CHRM3: variants seen among roughly 807,000 people sequenced by gnomAD.
CHRM3 encodes cholinergic receptor muscarinic 3, also known as muscarinic acetylcholine receptor M3.
Under a neutral mutation model 41.8 loss-of-function variants are expected in CHRM3, and 11 were observed. That is an observed-to-expected ratio of 0.26 (90% confidence interval 0.17 to 0.44). The LOEUF (loss-of-function observed/expected upper bound fraction) is 0.44. Among genes scored for constraint, CHRM3 ranks in the 20% least tolerant of loss-of-function variants. The probability of loss-of-function intolerance (pLI) is 1.00; values close to 1 mark genes in which losing one functional copy is unlikely to be tolerated. For missense variants in CHRM3, 571 were observed against 745.4 expected, an observed-to-expected ratio of 0.77 and a Z score of 2.72; for synonymous variants, 297 against 301.4, an observed-to-expected ratio of 0.99 and a Z score of 0.15.
chr1:239,603,489 G>A (rs1034039812), intron 3 of CHRM3, among the ~76,000 whole-genome samples: 6 of 152,142 alleles, frequency 3.9e-5, no homozygotes, highest in Non-Finnish European at 8.8e-5. Flanking sequence ...TCTCACCTGG[G>A]GATGGTGTTC....
chr1:239,578,909 A>G (rs1300420436), intron 3 of CHRM3, among the ~76,000 whole-genome samples: 2 of 152,190 alleles, frequency 1.3e-5, no homozygotes, highest in Non-Finnish European at 2.9e-5. Context: ...CATCTGCACC[A>G]TTGCCCAAGT....
intron 5 of CHRM3, among the ~76,000 whole-genome samples, chr1:239,788,053 A>G (rs961885387): frequency 2.0e-5 from 3 of 152,092 alleles, no homozygotes; most frequent in Non-Finnish European, 4.4e-5. Flanking sequence ...TGGGCAACAT[A>G]AAGAGATTCC....
chr1:239,824,377 T>C (rs1672290060), intron 5 of CHRM3, among the ~76,000 whole-genome samples: 1 of 152,220 alleles, frequency 6.6e-6, no homozygotes, highest in Non-Finnish European at 1.5e-5. Context: ...TTTCCCTTGC[T>C]TAATGTATAA....
intron 6 of CHRM3, among the ~76,000 whole-genome samples, chr1:239,828,734 A>C (rs1395806461): frequency 1.3e-5 from 2 of 152,116 alleles, no homozygotes; most frequent in African/African-American, 4.8e-5. Context: ...CTAGAATATC[A>C]ATGCAGATTT....
chr1:239,404,115 C>T (rs556501277), intron 1 of CHRM3, among the ~76,000 whole-genome samples: 2 of 149,914 alleles, frequency 1.3e-5, no homozygotes, highest in East Asian at 4.0e-4. Flanking sequence ...AGTGAAACCC[C>T]GTCTCTACCA....
At chr1:239,462,313 T>A (rs74149076) in intron 1 of CHRM3, among the ~76,000 whole-genome samples, 11 of 152,240 alleles carry the variant, frequency 7.2e-5, no homozygotes, top group African/African-American at 2.7e-4. Context: ...TGTCCCTGGG[T>A]TATACCAGGT....
At chr1:239,633,529 A>G (rs1670104498) in intron 4 of CHRM3, among the ~76,000 whole-genome samples, 1 of 152,134 alleles carries the variant, frequency 6.6e-6, no homozygotes, top group Non-Finnish European at 1.5e-5. Context: ...TTGCTGTTGT[A>G]AGGACAGCAA....
intron 3 of CHRM3, among the ~76,000 whole-genome samples, chr1:239,593,448 T>G (rs1176571273): frequency 6.6e-6 from 1 of 150,928 alleles, no homozygotes; most frequent in African/African-American, 2.4e-5. Flanking sequence ...TTGGATTCAC[T>G]TGATTTATTT....
intron 5 of CHRM3, among the ~76,000 whole-genome samples, chr1:239,684,410 T>C (rs560072381): frequency 3.3e-5 from 5 of 152,130 alleles, no homozygotes; most frequent in Admixed American, 2.0e-4. Context: ...GGAAGGTGTA[T>C]GGGCTGGGCA....
chr1:239,832,205 C>A (rs893147453), intron 6 of CHRM3, among the ~76,000 whole-genome samples: 1 of 152,098 alleles, frequency 6.6e-6, no homozygotes, highest in Admixed American at 6.5e-5. Flanking sequence ...CATGCTTTTT[C>A]ATGGGTTCGT....
intron 5 of CHRM3, among the ~76,000 whole-genome samples, chr1:239,747,727 T>C (rs747252876): frequency 4.6e-5 from 7 of 152,192 alleles, no homozygotes; most frequent in Non-Finnish European, 8.8e-5. Context: ...ATGCTTATAA[T>C]CTATTAGAAA....
At chr1:239,824,182 G>T (rs888415894) in intron 5 of CHRM3, among the ~76,000 whole-genome samples, 2 of 152,030 alleles carry the variant, frequency 1.3e-5, no homozygotes, top group African/African-American at 2.4e-5. Context: ...ATAACCACTT[G>T]TTTTATATCT....
rs1319046479 is a variant in CHRM3 at position 239,404,458 on chromosome 1, G to GAAAA, written c.-521+17234_-521+17235insAAAA. ...AGAAAGAAAGAAAGAAAGAAAGAAA[G>GAAAA]AAAGAAAGAAAAAGAAAGAAAGAAA... On this transcript the variant is annotated intron_variant, in intron 1 of 6. Coordinates refer to ENST00000676153, the MANE Select transcript of CHRM3 (RefSeq NM_001375978.1). Among the ~76,000 whole-genome samples, 5 of 138,908 alleles carry GAAAA rather than the reference G, an allele frequency of 3.6e-5. No homozygotes were observed. The Admixed American group carries it at 3.6e-4, about 10-fold the overall frequency. The allele number at this position is 138,908 out of a possible 152,430, so 91.1% of individuals were successfully genotyped here.
At chr1:239,645,771 C>T (rs1363662654) in intron 4 of CHRM3, among the ~76,000 whole-genome samples, 5 of 152,102 alleles carry the variant, frequency 3.3e-5, no homozygotes, top group South Asian at 2.1e-4. Context: ...AACAAAAGAA[C>T]GGCCATAGAG....
chr1:239,449,006 C>A (rs1379016378), intron 1 of CHRM3, among the ~76,000 whole-genome samples: 1 of 152,060 alleles, frequency 6.6e-6, no homozygotes, highest in African/African-American at 2.4e-5. Context: ...AGAATGAATA[C>A]CTAGCCTCTA....
chr1:239,580,549 T>C (rs1040534210), intron 3 of CHRM3, among the ~76,000 whole-genome samples: 3 of 151,706 alleles, frequency 2.0e-5, no homozygotes, highest in African/African-American at 7.3e-5. Context: ...AGTGATTGAT[T>C]TGTGGTCCTC....
intron 6 of CHRM3, among the ~76,000 whole-genome samples, chr1:239,852,835 T>G (rs1490634258): frequency 6.6e-6 from 1 of 152,146 alleles, no homozygotes; most frequent in Non-Finnish European, 1.5e-5. Flanking sequence ...CTTAATAGTA[T>G]TATTATGGGA....
chr1:239,704,748 T>A (rs1393399633), intron 5 of CHRM3: 1 of 152,176 alleles, frequency 6.6e-6, no homozygotes, highest in Non-Finnish European at 1.5e-5. Flanking sequence ...TATATTAATA[T>A]TTATAATAAA....
rs552121217 is a variant in CHRM3, at chr1:239,791,750, G to GAC, written c.-146-35499_-146-35498dup. ...ATATTTCATTAGGCACATAGGCACA[G>GAC]ACACTGAGATGGGTAAGAAAGGAGG... is the stretch of plus-strand genomic sequence containing the variant. On this transcript the variant is annotated intron_variant, in intron 5 of 6. Transcript: ENST00000676153. 1.7e-3 allele frequency among the ~76,000 whole-genome samples: 255 copies of GAC among 152,314 alleles called. 1 individual carries two copies. The highest frequency in any genetic ancestry group is 5.8e-3 in the African/African-American group (241 of 41,566).
Sources: allele counts gnomAD v4.1 joint callset (sites outside exome capture counted in the v4.1 genomes callset), GRCh38; gene constraint gnomAD v4.1.1; transcripts MANE v1.5; gene names NCBI Gene and HGNC (gene_info 2026-07-23, HGNC 2026-07-21).